The following FRMPD1 variants were observed in gnomAD, a reference collection of about 807,000 sequenced individuals.
FRMPD1 encodes FERM and PDZ domain containing 1, also known as FERM and PDZ domain-containing protein 1.
A neutral mutation model predicts 117.8 loss-of-function variants in FRMPD1; 76 were observed. The observed-to-expected ratio is 0.65, with a 90% CI of 0.54 to 0.78. The LOEUF is 0.78. Among genes scored for constraint, FRMPD1 ranks in the 30% least tolerant of loss-of-function variants. The pLI is 0.00. For missense variants in FRMPD1, 1,786 were observed against 1,964.5 expected, an observed-to-expected ratio of 0.91 and a Z score of 1.72; for synonymous variants, 783 against 770.4, an observed-to-expected ratio of 1.02 and a Z score of -0.27.
intron 1 of FRMPD1, among the ~76,000 whole-genome samples, chr9:37,666,158 T>C (rs1455667830): frequency 4.6e-5 from 7 of 152,174 alleles, no homozygotes; most frequent in Non-Finnish European, 1.5e-5. Context: ...GTAGGAGTTC[T>C]CCTGACTAGA....
chr9:37,732,291 T>C lies in FRMPD1; in HGVS notation c.859-13T>C, dbSNP rs755832904. The C allele has an allele frequency of 1.9e-6, 3 of 1,612,496 alleles. No individual in the cohort carries two copies. The Admixed American group carries it at 5.0e-5, about 27-fold the overall frequency. ...GCTTTTGTTTCCCATCTGCTCTATT[T>C]AATCTCTTCTAGAGCTGCAGCGATG... On this transcript the variant is annotated splice_polypyrimidine_tract_variant and intron_variant, in intron 9 of 15. Transcript: ENST00000377765.
chr9:37,692,592 T>A, intron 1 of FRMPD1, 46 bp from the exon 2 acceptor site: 2 of 1,189,984 alleles, frequency 1.7e-6, no homozygotes, highest in Non-Finnish European at 2.5e-6. Flanking sequence ...AAATCCTCTT[T>A]AGAGTATTTT....
chr9:37,672,608 C>T (rs1821391741), intron 1 of FRMPD1, among the ~76,000 whole-genome samples: 1 of 152,216 alleles, frequency 6.6e-6, no homozygotes, highest in South Asian at 2.1e-4. Flanking sequence ...AGTAACCTGC[C>T]CATAGTCACA....
chr9:37,688,720 A>G (rs981889334), intron 1 of FRMPD1, among the ~76,000 whole-genome samples: 1 of 152,142 alleles, frequency 6.6e-6, no homozygotes, highest in Admixed American at 6.5e-5. Flanking sequence ...ATTTTAAATG[A>G]TGGTGTAAAT....
chr9:37,631,220 A>G, the FRMPD1 span, among the ~76,000 whole-genome samples: 39 of 152,356 alleles, frequency 2.6e-4, no homozygotes, highest in Non-Finnish European at 4.6e-4. Flanking sequence ...GAAAATTAAA[A>G]ACAAAATAAC....
intron 2 of FRMPD1, among the ~76,000 whole-genome samples, chr9:37,703,505 T>A (rs1056063560): frequency 9.8e-5 from 15 of 152,340 alleles, no homozygotes; most frequent in Non-Finnish European, 1.5e-4. Flanking sequence ...AGGATTTTTT[T>A]AAATTTACTT....
the FRMPD1 span, among the ~76,000 whole-genome samples, chr9:37,639,022 G>T: frequency 1.7e-3 from 265 of 152,352 alleles, 3 homozygotes; most frequent in African/African-American, 6.2e-3. Flanking sequence ...TAAGTAGTTA[G>T]ATCCAAACAA....
In FRMPD1 at chr9:37,745,612, C is replaced by T. The variant is rs754292389; in HGVS notation, c.3580C>T (p.Gln1194Ter). The change falls in exon 16 of 16, where the codon CAG (glutamine) becomes TAG (stop). Residue 1194 changes from glutamine (Q) to a stop codon, truncating the protein, a stop_gained. Coordinates refer to ENST00000377765, the MANE Select transcript of FRMPD1 (RefSeq NM_014907.3). LOFTEE classifies it high-confidence loss of function. Reference protein sequence around the residue: ...QSREPPGQGCQAQEQKLFVEL... With the variant: ...QSREPPGQGC Reference sequence around the variant, plus strand: ...CAGAGAACCCCCAGGGCAAGGCTGCCAGGCTCAAGAACAAAAACTATTCGT... The same window carrying T: ...CAGAGAACCCCCAGGGCAAGGCTGCTAGGCTCAAGAACAAAAACTATTCGT... 1.2e-6 allele frequency: 2 copies of T among 1,614,054 alleles called. No homozygotes were observed. The highest frequency in any genetic ancestry group is 1.7e-6 in the Non-Finnish European group (2 of 1,180,022).
chr9:37,662,713 TC>T (rs1821036944), intron 1 of FRMPD1, among the ~76,000 whole-genome samples: 1 of 152,048 alleles, frequency 6.6e-6, no homozygotes, highest in African/African-American at 2.4e-5. Context: ...GTATGGAAAA[TC>T]CCAGCAGAGA....
intron 5 of FRMPD1, among the ~76,000 whole-genome samples, chr9:37,717,901 T>C (rs78239609): frequency 1.3e-5 from 2 of 152,318 alleles, no homozygotes; most frequent in East Asian, 3.9e-4. Context: ...AATCTGATAG[T>C]CTTATCACTA....
intron 3 of FRMPD1, 106 bp from the exon 4 acceptor site, chr9:37,708,293 G>A (rs1822785309): frequency 2.9e-6 from 2 of 690,184 alleles, no homozygotes; most frequent in Admixed American, 2.2e-5. Flanking sequence ...GAGTGAGCCA[G>A]TGCCCCTGGG....
chr9:37,617,696 A>C, the FRMPD1 span, among the ~76,000 whole-genome samples: 1 of 152,190 alleles, frequency 6.6e-6, no homozygotes. Context: ...ATTACTTTCT[A>C]AATGGGTCAT....
chr9:37,672,285 A>C (rs1821378637), intron 1 of FRMPD1, among the ~76,000 whole-genome samples: 1 of 152,226 alleles, frequency 6.6e-6, no homozygotes. Flanking sequence ...ATGAAACAGC[A>C]CATGCAGAGG....
intron 7 of FRMPD1, among the ~76,000 whole-genome samples, chr9:37,729,136 T>C (rs939807453): frequency 5.9e-5 from 9 of 151,284 alleles, no homozygotes; most frequent in Non-Finnish European, 1.2e-4. Context: ...TAATTCCAGC[T>C]CTTTTGGAGG....
At chr9:37,679,833 G>A (rs1449271136) in intron 1 of FRMPD1, among the ~76,000 whole-genome samples, 1 of 152,218 alleles carries the variant, frequency 6.6e-6, no homozygotes, top group Non-Finnish European at 1.5e-5. Flanking sequence ...TGGAGACAAG[G>A]GGTTCAGCAG....
chr9:37,696,919 G>T (rs940419671), intron 2 of FRMPD1, among the ~76,000 whole-genome samples: 1 of 152,112 alleles, frequency 6.6e-6, no homozygotes, highest in African/African-American at 2.4e-5. Flanking sequence ...TTGTCTAGGA[G>T]TAAATTAGTC....
rs768857026 is a variant in FRMPD1, at chr9:37,745,940, A to G, written c.3908A>G (p.His1303Arg). 6.2e-7 allele frequency: 1 copy of G among 1,614,238 alleles called. No individual in the cohort carries two copies. Among genetic ancestry groups the G allele is most frequent in the Non-Finnish European group, 8.5e-7 (1 of 1,180,036 alleles). ...TTTCTGTGCTTTGCCCCAGAAAGCCATCCTGAAGTCTCTGCCAGTCTCAGG... is the reference window on the plus strand; with the variant it reads ...TTTCTGTGCTTTGCCCCAGAAAGCCGTCCTGAAGTCTCTGCCAGTCTCAGG... The part of the protein sequence containing the change: ...KSFLCFAPES[H>R]PEVSASLRVA... Residue 1303 changes from histidine to arginine, a missense_variant, in exon 16 of 16, where the codon CAT becomes CGT. By Grantham distance (29) the His-to-Arg change is conservative (BLOSUM62 0). Coordinates refer to ENST00000377765, the MANE Select transcript of FRMPD1 (RefSeq NM_014907.3).
chr9:37,700,097 C>G (rs1822480213), intron 2 of FRMPD1, among the ~76,000 whole-genome samples: 1 of 151,976 alleles, frequency 6.6e-6, no homozygotes, highest in South Asian at 2.1e-4. Flanking sequence ...GTAGAAAGAC[C>G]CTTTTAGGCA....
chr9:37,631,093 T>C, the FRMPD1 span, among the ~76,000 whole-genome samples: 2 of 152,172 alleles, frequency 1.3e-5, no homozygotes, highest in Non-Finnish European at 2.9e-5. Context: ...GGGTGTCACT[T>C]CACAGAGGAG....
Sources: allele counts gnomAD v4.1 joint callset (sites outside exome capture counted in the v4.1 genomes callset), GRCh38; gene constraint gnomAD v4.1.1; transcripts MANE v1.5; gene names NCBI Gene and HGNC (gene_info 2026-07-23, HGNC 2026-07-21).